ABCA5: variants seen among roughly 807,000 people sequenced by gnomAD.
ABCA5 encodes ATP binding cassette subfamily A member 5, also known as cholesterol transporter ABCA5.
In ABCA5, 163 loss-of-function variants were observed where a neutral mutation model predicts 206.0. That is an observed-to-expected ratio of 0.79 (90% CI 0.70 to 0.90). ABCA5 has a LOEUF of 0.90. Ranked by LOEUF, ABCA5 falls within the 40% of genes least tolerant of loss-of-function variation. ABCA5 has a pLI of 0.00. For synonymous variants in ABCA5, 609 were observed against 613.8 expected (o/e 0.99, Z 0.11); for missense variants, 1,859 against 1,912.9 (o/e 0.97, Z 0.53).
At chr17:69,256,496 C>T (rs922359183) in intron 28 of ABCA5, among the ~76,000 whole-genome samples, 4 of 150,186 alleles carry the variant, frequency 2.7e-5, no homozygotes, top group African/African-American at 9.8e-5. Flanking sequence ...CACTCTGTTG[C>T]CCAGGCTGGA....
At chr17:69,282,603 A>T (rs1242117615) in intron 18 of ABCA5, among the ~76,000 whole-genome samples, 2 of 152,010 alleles carry the variant, frequency 1.3e-5, no homozygotes. Context: ...CCCTGTCTCT[A>T]CTAAAAAATA....
At chr17:69,251,687 G>T in intron 35 of ABCA5, 60 bp downstream of exon 35, 1 of 1,545,932 alleles carries the variant, frequency 6.5e-7, no homozygotes, top group Non-Finnish European at 8.7e-7. Flanking sequence ...TTGAAATGAT[G>T]ACTTTCAAAA....
intron 1 of ABCA5, among the ~76,000 whole-genome samples, chr17:69,323,975 T>C (rs1354719924): frequency 6.6e-6 from 1 of 152,236 alleles, no homozygotes; most frequent in Non-Finnish European, 1.5e-5. Flanking sequence ...AACACAGCCA[T>C]GCTCATTCAT....
At chr17:69,288,743 A>T (rs1310499737) in intron 14 of ABCA5, among the ~76,000 whole-genome samples, 1 of 151,312 alleles carries the variant, frequency 6.6e-6, no homozygotes, top group Non-Finnish European at 1.5e-5. Context: ...AGAAAGAAAG[A>T]AAGAAAGAAA....
chr17:69,317,943 G>A (rs1231038002), intron 1 of ABCA5: 1 of 152,008 alleles, frequency 6.6e-6, no homozygotes, highest in African/African-American at 2.4e-5. Context: ...AAGATAGCAG[G>A]GGAAATAACA....
At chr17:69,322,102 T>C (rs2075869329) in intron 1 of ABCA5, among the ~76,000 whole-genome samples, 1 of 151,956 alleles carries the variant, frequency 6.6e-6, no homozygotes, top group Non-Finnish European at 1.5e-5. Flanking sequence ...CCAGGCACAG[T>C]GGTTCACGCC....
rs1233726737 is a variant in ABCA5, at chr17:69,270,606, G to A, written c.3030+7C>T. The A allele has an allele frequency of 6.3e-7, 1 of 1,582,120 alleles. No individual in the cohort carries two copies. Among genetic ancestry groups the A allele is most frequent in the African/African-American group, 1.4e-5 (1 of 72,982 alleles). ...ATGGAAATTTATCTGTATATACATTGGCTTACTTGAAAGAATGGGGTACTC... is the reference window on the plus strand; with the variant it reads ...ATGGAAATTTATCTGTATATACATTAGCTTACTTGAAAGAATGGGGTACTC... On this transcript the variant is annotated splice_region_variant and intron_variant, in intron 22 of 38. Transcript: ENST00000392676.
intron 5 of ABCA5, among the ~76,000 whole-genome samples, chr17:69,307,921 TAGAA>T (rs1226561113): frequency 6.6e-6 from 1 of 152,098 alleles, no homozygotes; most frequent in Non-Finnish European, 1.5e-5. Flanking sequence ...TAAATTCAAT[TAGAA>T]AGGGCAAATG....
At chr17:69,255,923 T>C (rs967731181) in intron 29 of ABCA5, 73 bp from the exon 30 acceptor site, 6 of 1,265,502 alleles carry the variant, frequency 4.7e-6, no homozygotes, top group Non-Finnish European at 4.3e-6. Context: ...ACATACCTCA[T>C]ATCCATATTA....
chr17:69,270,212 T>C (rs1285627424), intron 22 of ABCA5, among the ~76,000 whole-genome samples: 1 of 152,126 alleles, frequency 6.6e-6, no homozygotes, highest in Non-Finnish European at 1.5e-5. Context: ...TGGATACTTT[T>C]CTGTAATCTT....
At chr17:69,275,263 T>G (rs1181979191) in intron 19 of ABCA5, among the ~76,000 whole-genome samples, 1 of 152,214 alleles carries the variant, frequency 6.6e-6, no homozygotes, top group Non-Finnish European at 1.5e-5. Flanking sequence ...TTTTATCATA[T>G]TAATTGCCAC....
chr17:69,267,954 CT>C lies in ABCA5; in HGVS notation c.3132del (p.Glu1045ArgfsTer39), dbSNP rs755091396. The C allele has an allele frequency of 6.2e-6, 10 of 1,601,268 alleles. No individual in the cohort carries two copies. The Admixed American group carries it at 1.5e-4, about 24-fold the overall frequency. On this transcript the variant is annotated frameshift_variant, in exon 23 of 39. Transcript: ENST00000392676. LOFTEE classifies it high-confidence loss of function. ...AMPPYFAMEN[A>X]ENHKIKAYTQ... ...AACTGAGTCATTACCTTATGATTCTCTGCATTTTCCATGGCAAAGTAAGGTG... is the reference window on the plus strand; with the variant it reads ...AACTGAGTCATTACCTTATGATTCTCGCATTTTCCATGGCAAAGTAAGGTG...
intron 7 of ABCA5, among the ~76,000 whole-genome samples, chr17:69,303,378 A>G (rs1159403321): frequency 6.6e-6 from 1 of 151,894 alleles, no homozygotes; most frequent in Non-Finnish European, 1.5e-5. Context: ...TTGCCTCCCA[A>G]AGTGCTGGGA....
intron 28 of ABCA5, among the ~76,000 whole-genome samples, chr17:69,258,549 C>T (rs531873179): frequency 2.0e-5 from 3 of 152,082 alleles, no homozygotes; most frequent in Admixed American, 2.0e-4. Flanking sequence ...CTGTGGACTC[C>T]AAAAGGGGGT....
Position 69,270,694 on chromosome 17 carries a change from T to C in ABCA5, c.2949A>G (p.Leu983=). 1 of 1,601,120 alleles carries C rather than the reference T, an allele frequency of 6.2e-7. No homozygotes were observed. Among genetic ancestry groups the C allele is most frequent in the Non-Finnish European group, 8.5e-7 (1 of 1,174,840 alleles). The part of the protein sequence containing the change: ...NSTMVYSLPI[L]VNIISNYYLY... Reference sequence around the variant, plus strand: ...GATAGTAGTTACTAATGATATTCACTAATATAGGTAAAGAATAAACCATAG... The same window carrying C: ...GATAGTAGTTACTAATGATATTCACCAATATAGGTAAAGAATAAACCATAG... The change falls in exon 22 of 39, where the codon TTA becomes TTG. Residue 983 remains leucine (L), a synonymous_variant. Transcript: ENST00000392676.
In ABCA5 at chr17:69,313,095, C is replaced by A. The variant is rs756316411; in HGVS notation, c.304G>T (p.Asp102Tyr). 3.1e-6 allele frequency: 5 copies of A among 1,595,992 alleles called. No homozygotes were observed. ...MQKVSTDHLP[D>Y]VIITEEYTNE... ...TATATATATAAGCTCACAATACCAT[C>A]AGGTAGATGATCAGTAGACACTTTC... Residue 102 changes from aspartate (D) to tyrosine (Y), a missense_variant, in exon 3 of 39, where the codon GAT becomes TAT. Physicochemically the swap from Asp to Tyr is radical, Grantham distance 160. Coordinates refer to ENST00000392676, the MANE Select transcript of ABCA5 (RefSeq NM_172232.4).
chr17:69,314,669 T>C (rs2075799473), intron 1 of ABCA5: 1 of 362,744 alleles, frequency 2.8e-6, no homozygotes, highest in Non-Finnish European at 4.9e-6. Flanking sequence ...ATATCAACAG[T>C]GGTACTTTTT....
intron 12 of ABCA5, 140 bp from the exon 13 acceptor site, chr17:69,290,177 C>G: frequency 1.9e-6 from 1 of 524,306 alleles, no homozygotes; most frequent in Non-Finnish European, 3.2e-6. Flanking sequence ...CACAACACAC[C>G]CTTCAATATT....
Position 69,267,967 on chromosome 17 carries a change from G to C in ABCA5, c.3120C>G (p.Ala1040=), listed in dbSNP as rs910337081. Reference sequence around the variant, plus strand: ...CCTTATGATTCTCTGCATTTTCCATGGCAAAGTAAGGTGGCATTGCAGTAA... The same window carrying C: ...CCTTATGATTCTCTGCATTTTCCATCGCAAAGTAAGGTGGCATTGCAGTAA... ...IIVTAMPPYF[A]MENAENHKIK... The change falls in exon 23 of 39, where the codon GCC becomes GCG. Residue 1040 remains alanine, a synonymous_variant. Coordinates refer to ENST00000392676, the MANE Select transcript of ABCA5 (RefSeq NM_172232.4). 2 of 1,608,146 alleles carry C rather than the reference G, an allele frequency of 1.2e-6. No homozygotes were observed. Among genetic ancestry groups the C allele is most frequent in the African/African-American group, 2.7e-5 (2 of 74,706 alleles).
Sources: gnomAD v4.1 joint callset for allele counts (sites outside exome capture counted in the v4.1 genomes callset) on GRCh38, gnomAD v4.1.1 for gene constraint, MANE v1.5 for transcripts, NCBI Gene and HGNC (gene_info 2026-07-23, HGNC 2026-07-21) for gene names.